ZFHX3: variants seen among roughly 807,000 people sequenced by gnomAD.
ZFHX3 encodes the protein zinc finger homeobox protein 3.
Under a neutral mutation model 279.1 loss-of-function variants are expected in ZFHX3, and 42 were observed. The observed-to-expected ratio is 0.15, with a 90% CI of 0.12 to 0.19. The LOEUF (loss-of-function observed/expected upper bound fraction) is 0.19. ZFHX3 is among the 10% of genes least tolerant of loss of function. The pLI is 1.00. For missense variants in ZFHX3, 4,981 were observed against 4,754.0 expected, an observed-to-expected ratio of 1.05 and a Z score of -1.40; for synonymous variants, 2,293 against 1,957.8, an observed-to-expected ratio of 1.17 and a Z score of -4.52.
intron 5 of ZFHX3, among the ~76,000 whole-genome samples, chr16:73,165,338 A>T (rs1262086315): frequency 6.6e-6 from 1 of 152,174 alleles, no homozygotes; most frequent in Non-Finnish European, 1.5e-5. Context: ...ACAGGACTCC[A>T]AGGAGGTCTT....
chr16:73,380,458 T>C (rs943257864), intron 3 of ZFHX3, among the ~76,000 whole-genome samples: 10 of 152,314 alleles, frequency 6.6e-5, no homozygotes, highest in African/African-American at 2.4e-4. Flanking sequence ...GTCATCAATA[T>C]TGAGAAAAGT....
intron 8 of ZFHX3, chr16:73,081,662 A>G (rs1361522474): frequency 6.6e-6 from 1 of 152,224 alleles, no homozygotes; most frequent in African/African-American, 2.4e-5. Context: ...CTGTCAAAAA[A>G]GAAAATAAAG....
intron 5 of ZFHX3, among the ~76,000 whole-genome samples, chr16:73,154,079 C>A (rs556962936): frequency 3.3e-5 from 5 of 152,230 alleles, no homozygotes; most frequent in South Asian, 2.1e-4. Context: ...GGGGTGAAGG[C>A]GACCATTGCG....
At chr16:72,978,463 T>C (rs1797800240) in intron 1 of ZFHX3, among the ~76,000 whole-genome samples, 1 of 152,210 alleles carries the variant, frequency 6.6e-6, no homozygotes, top group African/African-American at 2.4e-5. Flanking sequence ...TTGCAGGCCA[T>C]AAGCCTCAAC....
intron 2 of ZFHX3, among the ~76,000 whole-genome samples, chr16:72,951,289 C>A (rs904254809): frequency 6.6e-6 from 1 of 151,348 alleles, no homozygotes; most frequent in Non-Finnish European, 1.5e-5. Context: ...GAGATGGAGT[C>A]TTGCCCTGTT....
At chr16:73,650,348 A>C (rs976504709) in intron 2 of ZFHX3, among the ~76,000 whole-genome samples, 3 of 151,912 alleles carry the variant, frequency 2.0e-5, no homozygotes, top group African/African-American at 4.8e-5. Context: ...TTCCAAAAAA[A>C]AAAAACAAAA....
At chr16:73,414,686 T>A (rs1038642410) in intron 3 of ZFHX3, among the ~76,000 whole-genome samples, 1 of 152,082 alleles carries the variant, frequency 6.6e-6, no homozygotes. Context: ...AAATTTAAAA[T>A]AATCCACCAG....
chr16:72,970,532 C>T (rs1002767118), intron 1 of ZFHX3, among the ~76,000 whole-genome samples: 6 of 152,118 alleles, frequency 3.9e-5, no homozygotes, highest in South Asian at 2.1e-4. Context: ...GATCCCCTCC[C>T]GGATTTGCAG....
chr16:73,269,999 C>T (rs896935896), intron 4 of ZFHX3, among the ~76,000 whole-genome samples: 11 of 152,216 alleles, frequency 7.2e-5, no homozygotes, highest in East Asian at 1.9e-4. Flanking sequence ...CCACTCACCT[C>T]GGGCTTCCAA....
intron 4 of ZFHX3, among the ~76,000 whole-genome samples, chr16:72,841,009 T>C (rs114325448): frequency 0.017 from 2,528 of 152,232 alleles, 63 homozygotes; most frequent in African/African-American, 0.056. Context: ...CACTACGTAT[T>C]TACAGGTTGC....
intron 1 of ZFHX3, among the ~76,000 whole-genome samples, chr16:73,891,339 C>T (rs1229044243): frequency 6.6e-6 from 1 of 152,052 alleles, no homozygotes; most frequent in Non-Finnish European, 1.5e-5. Flanking sequence ...GAGAAAGATA[C>T]ACACATACAC....
intron 5 of ZFHX3, among the ~76,000 whole-genome samples, chr16:73,156,785 C>T (rs1967095830): frequency 6.6e-6 from 1 of 151,950 alleles, no homozygotes; most frequent in South Asian, 2.1e-4. Context: ...GTGATCTTGG[C>T]TCACTGCAAC....
intron 5 of ZFHX3, among the ~76,000 whole-genome samples, chr16:73,181,093 TTG>T (rs1433774186): frequency 9.8e-6 from 1 of 102,016 alleles, no homozygotes; most frequent in Non-Finnish European, 2.1e-5. Context: ...TTGTTTTGTT[TTG>T]TTTTGTTTTG....
Position 72,787,012 on chromosome 16 carries a change from A to AAAC in ZFHX3, c.*149_*151dup. 2 of 901,532 alleles carry AAAC rather than the reference A, an allele frequency of 2.2e-6. No individual in the cohort carries two copies. The highest frequency in any genetic ancestry group is 2.9e-6 in the Non-Finnish European group (2 of 681,452). The allele number at this position is 901,532 out of a possible 1,614,324, so 55.8% of individuals were successfully genotyped here. ...CACCGGCATAGATAGGTATATGGGAAAACAACCCACGCTTTTTCTTTTTTT... is the reference window on the plus strand; with the variant it reads ...CACCGGCATAGATAGGTATATGGGAAAACAACAACCCACGCTTTTTCTTTTTTT... On this transcript the variant is annotated 3_prime_UTR_variant, in exon 10 of 10. Coordinates refer to ENST00000268489, the MANE Select transcript of ZFHX3 (RefSeq NM_006885.4).
intron 3 of ZFHX3, among the ~76,000 whole-genome samples, chr16:73,442,367 T>A (rs547563709): frequency 2.6e-5 from 4 of 152,132 alleles, no homozygotes; most frequent in Middle Eastern, 3.4e-3. Flanking sequence ...TCCTCTTTTT[T>A]TTTTTTTCTG....
chr16:73,121,618 CT>C (rs35251426), intron 7 of ZFHX3, among the ~76,000 whole-genome samples: 256 of 140,208 alleles, frequency 1.8e-3, no homozygotes, highest in Middle Eastern at 3.7e-3. Flanking sequence ...TTGCAGCTTT[CT>C]TTTTTTTTTT....
intron 7 of ZFHX3, among the ~76,000 whole-genome samples, chr16:72,801,448 C>T (rs1263091403): frequency 1.3e-5 from 2 of 152,196 alleles, no homozygotes; most frequent in African/African-American, 2.4e-5. Context: ...CCACTAGAAT[C>T]ATCAGCAATA....
At chr16:73,866,612 A>T (rs570948051) in intron 1 of ZFHX3, among the ~76,000 whole-genome samples, 1 of 152,208 alleles carries the variant, frequency 6.6e-6, no homozygotes, top group Admixed American at 6.5e-5. Context: ...GCCCCAAAAA[A>T]AGAAAAGAAG....
chr16:72,987,146 G>A (rs1334880954), intron 1 of ZFHX3, among the ~76,000 whole-genome samples: 1 of 152,166 alleles, frequency 6.6e-6, no homozygotes, highest in East Asian at 1.9e-4. Context: ...GGGCAACAAA[G>A]TGAGATCCTG....
Sources: gnomAD v4.1 joint callset for allele counts (sites outside exome capture counted in the v4.1 genomes callset) on GRCh38, gnomAD v4.1.1 for gene constraint, MANE v1.5 for transcripts, NCBI Gene and HGNC (gene_info 2026-07-23, HGNC 2026-07-21) for gene names.